The following ATP2B2 variants were observed in gnomAD, a reference collection of about 807,000 sequenced individuals.
The protein encoded by ATP2B2 is plasma membrane calcium-transporting ATPase 2.
A neutral mutation model predicts 120.0 loss-of-function variants in ATP2B2; 15 were observed. That is an observed-to-expected ratio of 0.12 (90% confidence interval 0.08 to 0.19). The LOEUF is 0.19. ATP2B2 is among the 10% of genes least tolerant of loss of function. The pLI is 1.00. For missense variants in ATP2B2, 1,045 were observed against 1,719.8 expected, an observed-to-expected ratio of 0.61 and a Z score of 6.94; for synonymous variants, 694 against 700.3, an observed-to-expected ratio of 0.99 and a Z score of 0.14.
At chr3:10,688,504 A>G (rs1361229452) in intron 1 of ATP2B2, among the ~76,000 whole-genome samples, 1 of 152,202 alleles carries the variant, frequency 6.6e-6, no homozygotes, top group Non-Finnish European at 1.5e-5. Context: ...CAGCAGGGAA[A>G]CCAGCTACTC....
At chr3:10,590,192 G>A (rs1460594696) in intron 2 of ATP2B2, among the ~76,000 whole-genome samples, 1 of 152,150 alleles carries the variant, frequency 6.6e-6, no homozygotes, top group African/African-American at 2.4e-5. Flanking sequence ...TATGATTTTT[G>A]ATATGATTCA....
At position 10,547,363 on chromosome 3, in the gene ATP2B2, T is replaced by C. The variant is rs564361772; in HGVS notation, c.-414-13230A>G. Reference sequence around the variant, plus strand: ...TCGGGCCTGGTAAAGTCATATTCTATGGTAGTAAGACACAGGGGGCTGTCT... The same window carrying C: ...TCGGGCCTGGTAAAGTCATATTCTACGGTAGTAAGACACAGGGGGCTGTCT... On this transcript the variant is annotated intron_variant, in intron 2 of 21. Coordinates refer to the ATP2B2 transcript ENST00000646379. Among the ~76,000 whole-genome samples the C allele has an allele frequency of 8.1e-4, 124 of 152,292 alleles. No homozygotes were observed. In the Middle Eastern group the frequency reaches 0.01, roughly 13 times the overall value.
chr3:10,453,484 T>C (rs543000000), intron 1 of ATP2B2, among the ~76,000 whole-genome samples: 1 of 152,344 alleles, frequency 6.6e-6, no homozygotes, highest in Admixed American at 6.5e-5. Flanking sequence ...ATCTGGGATT[T>C]GAACCTAGGC....
At chr3:10,666,072 G>A (rs2070923458) in intron 1 of ATP2B2, among the ~76,000 whole-genome samples, 1 of 152,198 alleles carries the variant, frequency 6.6e-6, no homozygotes, top group Admixed American at 6.5e-5. Flanking sequence ...ACAGAATCGA[G>A]TTCACCTGCT....
intron 1 of ATP2B2, among the ~76,000 whole-genome samples, chr3:10,639,655 C>A (rs80169777): frequency 6.6e-6 from 1 of 152,096 alleles, no homozygotes. Context: ...ATCAAGGCAC[C>A]CAGAGACTAG....
At chr3:10,486,435 G>C (rs2065673852) in intron 1 of ATP2B2, among the ~76,000 whole-genome samples, 1 of 151,712 alleles carries the variant, frequency 6.6e-6, no homozygotes, top group Admixed American at 6.6e-5. Context: ...AGCACCAAAA[G>C]ATCAGGCCCC....
intron 10 of ATP2B2, among the ~76,000 whole-genome samples, chr3:10,377,675 T>C (rs1339870394): frequency 1.3e-5 from 2 of 152,234 alleles, no homozygotes; most frequent in East Asian, 3.9e-4. Flanking sequence ...CTTGGCAATG[T>C]CCTTCAACCT....
At chr3:10,688,850 G>C (rs2071588613) in intron 1 of ATP2B2, among the ~76,000 whole-genome samples, 1 of 152,220 alleles carries the variant, frequency 6.6e-6, no homozygotes, top group African/African-American at 2.4e-5. Context: ...TTGGGATGCA[G>C]CCCACAAAGG....
intron 1 of ATP2B2, among the ~76,000 whole-genome samples, chr3:10,681,013 A>G (rs2071369515): frequency 6.6e-6 from 1 of 152,122 alleles, no homozygotes; most frequent in African/African-American, 2.4e-5. Context: ...GTGGTTTAAA[A>G]GCATGCGGCA....
chr3:10,477,421 G>A (rs4684694), intron 1 of ATP2B2, among the ~76,000 whole-genome samples: 76,154 of 152,028 alleles, frequency 0.5, 20,963 homozygotes, highest in East Asian at 0.99. Context: ...TACCATTCTA[G>A]CCATTTTTAA....
chr3:10,506,224 T>A (rs2125424863), upstream of ATP2B2, among the ~76,000 whole-genome samples: 1 of 152,138 alleles, frequency 6.6e-6, no homozygotes, highest in Non-Finnish European at 1.5e-5. Flanking sequence ...AGCTCTCTGC[T>A]GCCCTGAAGC....
chr3:10,625,959 A>G (rs2069687006), intron 1 of ATP2B2: 1 of 152,182 alleles, frequency 6.6e-6, no homozygotes, highest in Non-Finnish European at 1.5e-5. Context: ...TAAAATTGTT[A>G]CTTTCTATTT....
At chr3:10,618,247 C>T (rs1259290833) in intron 2 of ATP2B2, among the ~76,000 whole-genome samples, 4 of 152,184 alleles carry the variant, frequency 2.6e-5, no homozygotes, top group African/African-American at 9.7e-5. Flanking sequence ...CTTCTCTGAG[C>T]CTCAGTCTCC....
In ATP2B2 at chr3:10,343,554, T is replaced by A. The variant is rs867340410; in HGVS notation, c.2704-589A>T. Among the ~76,000 whole-genome samples the A allele has an allele frequency of 3.5e-4, 53 of 152,172 alleles. No homozygotes were observed. The highest frequency in any genetic ancestry group is 1.1e-3 in the African/African-American group (47 of 41,438). On this transcript the variant is annotated intron_variant, in intron 18 of 22. Transcript: ENST00000360273. The surrounding 1 kb of genome is among the most constrained non-coding windows in gnomAD (Gnocchi z 4.2). ...AAACTGTCAAGGACCTCACCACTTTTAGGTCACCACTGTCCAGGTTCTGGG... is the reference window on the plus strand; with the variant it reads ...AAACTGTCAAGGACCTCACCACTTTAAGGTCACCACTGTCCAGGTTCTGGG...
At chr3:10,499,931 CT>C (rs57211710) in intron 1 of ATP2B2, among the ~76,000 whole-genome samples, 6,702 of 117,554 alleles carry the variant, frequency 0.057, 430 homozygotes, top group African/African-American at 0.22. Context: ...TGGGCACATT[CT>C]TTTTTTTTTT....
intron 2 of ATP2B2, among the ~76,000 whole-genome samples, chr3:10,563,592 G>A (rs2067949463): frequency 6.6e-6 from 1 of 152,240 alleles, no homozygotes; most frequent in Non-Finnish European, 1.5e-5. Flanking sequence ...CCCGCTACTT[G>A]CATCCTTTCT....
intron 1 of ATP2B2, among the ~76,000 whole-genome samples, chr3:10,453,359 A>G (rs2064133569): frequency 6.6e-6 from 1 of 152,216 alleles, no homozygotes; most frequent in South Asian, 2.1e-4. Context: ...TGTGATTATT[A>G]TTGTCAATCC....
intron 1 of ATP2B2, among the ~76,000 whole-genome samples, chr3:10,659,050 A>AT (rs2070712671): frequency 6.6e-6 from 1 of 152,306 alleles, no homozygotes; most frequent in South Asian, 2.1e-4. Flanking sequence ...ATGCTGAGAG[A>AT]TTTTGTCACC....
rs3846109 is a variant in ATP2B2, at chr3:10,338,326, C to T, written c.3270G>A (p.Lys1090=). The T allele has an allele frequency of 1.7e-3, 2,712 of 1,614,178 alleles. 38 individuals are homozygous for T. In the African/African-American group the frequency reaches 0.031, roughly 19 times the overall value. ...VIATIPTSRL[K]FLKEAGRLTQ... is the part of the protein sequence containing the mutation. ...TGAGCCTGCCTGCCTCCTTGAGGAA[C>T]TTGAGTCTGCTGGTCGGGATGGTGG... Residue 1090 remains lysine, a synonymous_variant, in exon 22 of 23, where the codon AAG becomes AAA. Transcript: ENST00000360273.
Sources: allele counts gnomAD v4.1 joint callset (sites outside exome capture counted in the v4.1 genomes callset), GRCh38; gene constraint gnomAD v4.1.1; non-coding constraint Gnocchi (gnomAD v3.1); transcripts MANE v1.5; gene names NCBI Gene and HGNC (gene_info 2026-07-23, HGNC 2026-07-21).